Variants in MBNL2 observed in about 807,000 individuals in gnomAD.
MBNL2 encodes the protein muscleblind like splicing regulator 2, also known as muscleblind-like protein 2.
In MBNL2, 17 loss-of-function variants were observed where a neutral mutation model predicts 41.9. That is an observed-to-expected ratio of 0.41 (90% confidence interval 0.28 to 0.61). MBNL2 has a LOEUF of 0.61. MBNL2 is among the 20% of genes least tolerant of loss of function. The pLI, the probability that MBNL2 is intolerant of heterozygous loss-of-function variation, is 0.35. For missense variants in MBNL2, 336 were observed against 505.6 expected, an observed-to-expected ratio of 0.66 and a Z score of 3.22; for synonymous variants, 195 against 182.9, an observed-to-expected ratio of 1.07 and a Z score of -0.53.
At chr13:97,192,023 G>T in the MBNL2 span, among the ~76,000 whole-genome samples, 2 of 152,282 alleles carry the variant, frequency 1.3e-5, no homozygotes, top group East Asian at 3.9e-4. Flanking sequence ...ATGTAAGATG[G>T]GGAGTCTTTA....
chr13:97,352,503 G>A (rs778496703), intron 5 of MBNL2, among the ~76,000 whole-genome samples: 22 of 152,172 alleles, frequency 1.4e-4, no homozygotes, highest in Non-Finnish European at 1.3e-4. Context: ...CAGGCATGAC[G>A]TTTATCGATT....
the MBNL2 span, among the ~76,000 whole-genome samples, chr13:97,161,459 A>G: frequency 6.6e-6 from 1 of 152,194 alleles, no homozygotes; most frequent in East Asian, 1.9e-4. Context: ...ACTTCCAGCT[A>G]TTCTAGTGAC....
At chr13:97,287,918 GT>G (rs11423615) in intron 2 of MBNL2, among the ~76,000 whole-genome samples, 10 of 124,606 alleles carry the variant, frequency 8.0e-5, no homozygotes, top group African/African-American at 2.8e-4. Flanking sequence ...CTAATTTTCT[GT>G]TTTTTTTTTG....
At chr13:97,299,761 G>A (rs996729284) in intron 2 of MBNL2, among the ~76,000 whole-genome samples, 1 of 151,916 alleles carries the variant, frequency 6.6e-6, no homozygotes, top group African/African-American at 2.4e-5. Flanking sequence ...GAACAAAAAA[G>A]CTTGCTGTAC....
intron 2 of MBNL2, among the ~76,000 whole-genome samples, chr13:97,302,560 A>G (rs1351034492): frequency 6.6e-6 from 1 of 152,210 alleles, no homozygotes; most frequent in African/African-American, 2.4e-5. Flanking sequence ...AACTAACCCT[A>G]TGATATTGGG....
the MBNL2 span, among the ~76,000 whole-genome samples, chr13:97,158,579 G>T: frequency 1.3e-5 from 2 of 151,094 alleles, no homozygotes; most frequent in Non-Finnish European, 3.0e-5. Flanking sequence ...GCGTCCCAGA[G>T]ATTCTGGTAT....
chr13:97,243,267 G>T (rs2044692629), intron 1 of MBNL2, among the ~76,000 whole-genome samples: 1 of 152,196 alleles, frequency 6.6e-6, no homozygotes, highest in Non-Finnish European at 1.5e-5. Context: ...ATTGCCTTAT[G>T]GACTGCTCCT....
intron 5 of MBNL2, among the ~76,000 whole-genome samples, chr13:97,347,312 G>T (rs1284560684): frequency 6.6e-6 from 1 of 152,124 alleles, no homozygotes; most frequent in African/African-American, 2.4e-5. Flanking sequence ...CCTGAGCTCC[G>T]TTCCCCCTCC....
At position 97,346,848 on chromosome 13, in the gene MBNL2, C is replaced by A. The variant is rs371199871; in HGVS notation, c.585C>A (p.Thr195=). 6.2e-7 allele frequency: 1 copy of A among 1,613,988 alleles called. No individual in the cohort carries two copies. The highest frequency in any genetic ancestry group is 1.1e-5 in the South Asian group (1 of 91,082). ...FQRGNCARGE[T]DCRFAHPADS... ...GAGGAAACTGTGCCCGGGGAGAGACCGACTGCCGCTTTGCACACCCCGCAG... is the reference window on the plus strand; with the variant it reads ...GAGGAAACTGTGCCCGGGGAGAGACAGACTGCCGCTTTGCACACCCCGCAG... The change falls in exon 5 of 9, where the codon ACC becomes ACA. Residue 195 remains threonine (T), a synonymous_variant. Transcript: ENST00000679496. This position sits in a 1 kb window ranked among gnomAD's most constrained non-coding sequence, Gnocchi z 4.2.
intron 1 of MBNL2, among the ~76,000 whole-genome samples, chr13:97,242,553 G>A (rs750753690): frequency 5.3e-5 from 8 of 152,258 alleles, no homozygotes; most frequent in Non-Finnish European, 5.9e-5. Context: ...ATTTTGCAGG[G>A]CACAGAGTGG....
At position 97,313,097 on chromosome 13, in the gene MBNL2, AATAG is replaced by A. The variant is rs557110000; in HGVS notation, c.175-21174_175-21171del. ...CTAGAAATTCTTGGGAGAAATTGCA[AATAG>A]ATAGGCCAAAAAGAAGTCAATTCCT... On this transcript the variant is annotated intron_variant, in intron 2 of 8. Coordinates refer to ENST00000679496, the MANE Select transcript of MBNL2 (RefSeq NM_001382683.1). Among the ~76,000 whole-genome samples, 17 of 152,356 alleles carry A rather than the reference AATAG, an allele frequency of 1.1e-4. No homozygotes were observed. The East Asian group carries it at 1.2e-3, about 10-fold the overall frequency.
At chr13:97,180,230 C>T in the MBNL2 span, among the ~76,000 whole-genome samples, 8 of 152,046 alleles carry the variant, frequency 5.3e-5, no homozygotes, top group Admixed American at 2.6e-4. Context: ...CTGGCTTGAA[C>T]GTCTGAGAAA....
At chr13:97,163,486 ACT>A in the MBNL2 span, among the ~76,000 whole-genome samples, 5 of 151,892 alleles carry the variant, frequency 3.3e-5, no homozygotes, top group South Asian at 1.0e-3. Flanking sequence ...GATCTCCAAA[ACT>A]CTATGGGGTG....
rs183328822 is a variant in MBNL2 at position 97,232,647 on chromosome 13, C to T, written c.-605+10116C>T. ...AGGGTTTGCTTTAGAAAAACTTCCC[C>T]GACAGTTGTAAGTACTGTTAGTGGA... On this transcript the variant is annotated intron_variant, in intron 1 of 8. Transcript: ENST00000679496. 1.7e-3 allele frequency among the ~76,000 whole-genome samples: 262 copies of T among 152,134 alleles called. 2 individuals are homozygous for T. The highest frequency in any genetic ancestry group is 5.9e-3 in the African/African-American group (245 of 41,502).
intron 1 of MBNL2, among the ~76,000 whole-genome samples, chr13:97,246,275 T>TCACA (rs34830044): frequency 0.03 from 4,428 of 145,860 alleles, 87 homozygotes; most frequent in African/African-American, 0.053. Flanking sequence ...TACTGTTATT[T>TCACA]CACACACACA....
At chr13:97,327,306 A>C (rs1024460210) in intron 2 of MBNL2, among the ~76,000 whole-genome samples, 49 of 152,142 alleles carry the variant, frequency 3.2e-4, no homozygotes, top group Non-Finnish European at 8.8e-5. Flanking sequence ...ACATACCTGG[A>C]CCATTGCCAA....
chr13:97,222,325 C>T, upstream of MBNL2: 1 of 398,494 alleles, frequency 2.5e-6, no homozygotes, highest in Non-Finnish European at 4.4e-6. Context: ...CTTACAGCAA[C>T]AGAGTTTAGA....
At chr13:97,216,522 A>G (rs1023448797), upstream of MBNL2, among the ~76,000 whole-genome samples, 1 of 152,206 alleles carries the variant, frequency 6.6e-6, no homozygotes, top group Non-Finnish European at 1.5e-5. Context: ...CCCGTCAGCA[A>G]CTTACCTTTC....
chr13:97,199,295 T>C, the MBNL2 span, among the ~76,000 whole-genome samples: 2 of 152,122 alleles, frequency 1.3e-5, no homozygotes, highest in Admixed American at 1.3e-4. Context: ...GGCAGCACTT[T>C]CCATATGGCA....
Sources: allele counts gnomAD v4.1 joint callset (sites outside exome capture counted in the v4.1 genomes callset), GRCh38; gene constraint gnomAD v4.1.1; non-coding constraint Gnocchi (gnomAD v3.1); transcripts MANE v1.5; gene names NCBI Gene and HGNC (gene_info 2026-07-23, HGNC 2026-07-21).